The following CCDC92B variants were observed in gnomAD, a reference collection of about 807,000 sequenced individuals.
CCDC92B encodes the protein coiled-coil domain containing 92B.
In CCDC92B, 2 loss-of-function variants were observed where a neutral mutation model predicts 5.6. That is an observed-to-expected ratio of 0.36 (90% CI 0.15 to 1.12). The LOEUF (loss-of-function observed/expected upper bound fraction) is 1.12, where lower values mean the gene tolerates loss of function less well. Among genes scored for constraint, CCDC92B ranks in the 50% most tolerant of loss-of-function variants. The probability of loss-of-function intolerance (pLI) is 0.40; values close to 1 mark genes in which losing one functional copy is unlikely to be tolerated. For synonymous variants in CCDC92B, 115 were observed against 122.3 expected (o/e 0.94, Z 0.39); for missense variants, 271 against 262.2 (o/e 1.03, Z -0.23).
intron 1 of CCDC92B, among the ~76,000 whole-genome samples, chr17:2,742,710 C>T (rs2070938087): frequency 6.6e-6 from 1 of 152,148 alleles, no homozygotes; most frequent in South Asian, 2.1e-4. Context: ...AATAACTCTT[C>T]CCTGGCTGCT....
chr17:2,728,838 C>T (rs1047047637), intron 3 of CCDC92B, among the ~76,000 whole-genome samples: 3 of 152,070 alleles, frequency 2.0e-5, no homozygotes, highest in Admixed American at 6.6e-5. Context: ...AGTCCAAGTT[C>T]GTAAGTGTTT....
chr17:2,744,955 G>A (rs1002509332), intron 1 of CCDC92B, among the ~76,000 whole-genome samples: 1 of 151,410 alleles, frequency 6.6e-6, no homozygotes, highest in African/African-American at 2.4e-5. Flanking sequence ...TGTGGTCCCA[G>A]CGTGGAGGCT....
chr17:2,743,368 T>C (rs532431131), intron 1 of CCDC92B, among the ~76,000 whole-genome samples: 1 of 150,550 alleles, frequency 6.6e-6, no homozygotes, highest in Non-Finnish European at 1.5e-5. Context: ...GAGGCAGAGG[T>C]TGCAGTGAGC....
At chr17:2,730,992 A>G (rs1003004587) in intron 2 of CCDC92B, among the ~76,000 whole-genome samples, 3 of 152,174 alleles carry the variant, frequency 2.0e-5, no homozygotes, top group Non-Finnish European at 2.9e-5. Context: ...CAGTCTGGAC[A>G]CTTGCTTTTC....
intron 1 of CCDC92B, among the ~76,000 whole-genome samples, chr17:2,742,928 T>C (rs2070939607): frequency 1.3e-5 from 2 of 152,206 alleles, no homozygotes; most frequent in South Asian, 2.1e-4. Context: ...TTTCTTTATA[T>C]TCCATAGTCA....
intron 1 of CCDC92B, among the ~76,000 whole-genome samples, chr17:2,737,599 G>A (rs2070871546): frequency 6.7e-6 from 1 of 148,672 alleles, no homozygotes; most frequent in Non-Finnish European, 1.5e-5. Flanking sequence ...AGCCTCCCGA[G>A]TAGCTGGGAC....
At position 2,730,078 on chromosome 17, in the gene CCDC92B, G is replaced by T. The variant is rs144289768; in HGVS notation, c.178+368C>A. Among the ~76,000 whole-genome samples, 338 of 152,296 alleles carry T rather than the reference G, an allele frequency of 2.2e-3. 5 individuals carry two copies. Among genetic ancestry groups the T allele is most frequent in the Admixed American group, 0.019 (291 of 15,284 alleles). On this transcript the variant is annotated intron_variant, in intron 3 of 3. Coordinates refer to ENST00000614400, the MANE Select transcript of CCDC92B (RefSeq NM_001355573.2). The stretch of plus-strand genomic sequence containing the variant: ...AAGGAATTAAGCAGGCTAAGGGGAA[G>T]TAAAGCCACATTACCATTTCCTTCA...
At chr17:2,746,306 T>G (rs1050797467) in intron 1 of CCDC92B, among the ~76,000 whole-genome samples, 2 of 152,156 alleles carry the variant, frequency 1.3e-5, no homozygotes, top group Non-Finnish European at 2.9e-5. Context: ...TCTAGCTTGA[T>G]GAAAAAATAT....
In CCDC92B at chr17:2,741,595, C is replaced by CTTT. The variant is rs61510422; in HGVS notation, c.-23-6430_-23-6428dup. 8.9e-5 allele frequency among the ~76,000 whole-genome samples: 12 copies of CTTT among 134,526 alleles called. 1 individual carries two copies. The highest frequency in any genetic ancestry group is 1.4e-4 in the Non-Finnish European group (9 of 63,008). 88.3% of individuals were successfully genotyped at this position (134,526 alleles called of 152,430 possible). On this transcript the variant is annotated intron_variant, in intron 1 of 3. Transcript: ENST00000614400. ...TTGGGAGGCCGAGGCAGGAGAATCTCTTTTTTTTTTTTTTTGAGATGGAGT... is the reference window on the plus strand; with the variant it reads ...TTGGGAGGCCGAGGCAGGAGAATCTCTTTTTTTTTTTTTTTTTTGAGATGGAGT...
At chr17:2,748,535 TG>T in intron 1 of CCDC92B, 1 of 980,800 alleles carries the variant, frequency 1.0e-6, no homozygotes, top group South Asian at 4.7e-5. Context: ...TGTGTGTGTG[TG>T]TGTGCATGTG....
chr17:2,724,678 G>A lies in CCDC92B; in HGVS notation c.501C>T (p.Arg167=), dbSNP rs1042112178. The part of the protein sequence containing the change: ...GPGATAEPRP[R]RRALRARRPP... ...GGCGGCGGGCTCGCAGTGCGCGGCG[G>A]CGTGGCCTGGGCTCGGCGGTGGCGC... The change falls in exon 4 of 4, where the codon CGC becomes CGT. Residue 167 remains arginine (R), a synonymous_variant. Transcript: ENST00000614400. The surrounding 1 kb of genome is among the most constrained non-coding windows in gnomAD (Gnocchi z 5.0). The A allele has an allele frequency of 1.2e-5, 12 of 982,104 alleles. No homozygotes were observed. The highest frequency in any genetic ancestry group is 8.8e-5 in the African/African-American group (5 of 56,870). 60.8% of individuals were successfully genotyped at this position (982,104 alleles called of 1,614,324 possible).
chr17:2,726,393 A>G (rs1333656051), intron 3 of CCDC92B, among the ~76,000 whole-genome samples: 2 of 150,538 alleles, frequency 1.3e-5, no homozygotes, highest in Non-Finnish European at 3.0e-5. Flanking sequence ...CATGTTAGCC[A>G]GGATGGTTTC....
chr17:2,748,330 C>A (rs913428885), intron 1 of CCDC92B: 7 of 1,256,422 alleles, frequency 5.6e-6, no homozygotes, highest in South Asian at 2.6e-5. Context: ...TGATCCCCCA[C>A]CAAGATGGAA....
chr17:2,732,115 G>A (rs2070800459), intron 2 of CCDC92B, among the ~76,000 whole-genome samples: 1 of 152,184 alleles, frequency 6.6e-6, no homozygotes, highest in Non-Finnish European at 1.5e-5. Context: ...CTGAGTTGGT[G>A]CTGAACGCGT....
chr17:2,736,900 AAAT>A (rs2070864388), intron 1 of CCDC92B, among the ~76,000 whole-genome samples: 1 of 151,078 alleles, frequency 6.6e-6, no homozygotes, highest in Non-Finnish European at 1.5e-5. Context: ...ATAAATAAAT[AAAT>A]AAATAAATAA....
rs1162952605 is a variant in CCDC92B at position 2,730,476 on chromosome 17, C to T, written c.148G>A (p.Glu50Lys). ...KRCSELTHDL[E>K]MREAQSHQQE... ...TGGTGAGATTGGGCCTCTCTCATTTCCAGGTCATGGGTCAGTTCTGGGGGG... is the reference window on the plus strand; with the variant it reads ...TGGTGAGATTGGGCCTCTCTCATTTTCAGGTCATGGGTCAGTTCTGGGGGG... Residue 50 changes from glutamate (E) to lysine (K), a missense_variant, in exon 3 of 4, where the codon GAA becomes AAA. Transcript: ENST00000614400. 1.5e-5 allele frequency: 15 copies of T among 982,354 alleles called. No individual in the cohort carries two copies. The highest frequency in any genetic ancestry group is 1.7e-5 in the Non-Finnish European group (14 of 829,836). 60.9% of individuals were successfully genotyped at this position (982,354 alleles called of 1,614,324 possible). A position where few individuals can be genotyped will look rare whatever the true frequency, so the allele number is the denominator to read the frequency against.
chr17:2,724,343 C>T lies in CCDC92B; in HGVS notation c.*68G>A, dbSNP rs370337807. The T allele has an allele frequency of 7.1e-6, 7 of 985,098 alleles. No homozygotes were observed. The African/African-American group carries it at 8.7e-5, about 12-fold the overall frequency. The allele number at this position is 985,098 out of a possible 1,614,324, so 61.0% of individuals were successfully genotyped here. A position where few individuals can be genotyped will look rare whatever the true frequency, so the allele number is the denominator to read the frequency against. On this transcript the variant is annotated 3_prime_UTR_variant, in exon 4 of 4. Coordinates refer to ENST00000614400, the MANE Select transcript of CCDC92B (RefSeq NM_001355573.2). This position sits in a 1 kb window ranked among gnomAD's most constrained non-coding sequence, Gnocchi z 5.0. ...TGCCCTCCGACCCGGGACCTGCCTG[C>T]GGGGACCGAGCTGCGTCCCTGGCCG...
At chr17:2,748,544 G>A (rs2071016039) in intron 1 of CCDC92B, 1 of 982,712 alleles carries the variant, frequency 1.0e-6, no homozygotes, top group Non-Finnish European at 1.2e-6. Flanking sequence ...GTGTGTGCAT[G>A]TGCCTGAATG....
intron 1 of CCDC92B, among the ~76,000 whole-genome samples, chr17:2,745,481 C>G (rs891001459): frequency 2.6e-5 from 4 of 152,122 alleles, no homozygotes; most frequent in Admixed American, 6.6e-5. Context: ...TTGCTTCCAA[C>G]TAGGCAGGCT....
Sources: allele counts gnomAD v4.1 joint callset (sites outside exome capture counted in the v4.1 genomes callset), GRCh38; gene constraint gnomAD v4.1.1; non-coding constraint Gnocchi (gnomAD v3.1); transcripts MANE v1.5; gene names NCBI Gene and HGNC (gene_info 2026-07-23, HGNC 2026-07-21).